ATF7IP2: variants seen among roughly 807,000 people sequenced by gnomAD.
ATF7IP2 encodes the protein activating transcription factor 7-interacting protein 2.
A neutral mutation model predicts 64.2 loss-of-function variants in ATF7IP2; 42 were observed. The observed-to-expected ratio is 0.65, with a 90% CI of 0.51 to 0.85. The LOEUF (loss-of-function observed/expected upper bound fraction) is 0.85, where lower values mean the gene tolerates loss of function less well. Ranked by LOEUF, ATF7IP2 falls within the 40% of genes least tolerant of loss-of-function variation. The pLI is 0.00. For missense variants in ATF7IP2, 933 were observed against 784.2 expected (o/e 1.19, Z -2.27); for synonymous variants, 308 against 272.8 (o/e 1.13, Z -1.27).
At chr16:10,415,376 G>A (rs550040695) in intron 2 of ATF7IP2, among the ~76,000 whole-genome samples, 6 of 152,314 alleles carry the variant, frequency 3.9e-5, no homozygotes, top group African/African-American at 1.2e-4. Flanking sequence ...AAACATTTGC[G>A]AGAAGACAGT....
In ATF7IP2 at chr16:10,401,369, C is replaced by T. The variant is rs1326617025; in HGVS notation, c.-241-13205C>T. On this transcript the variant is annotated intron_variant, in intron 1 of 13. Coordinates refer to ENST00000562102, the MANE Select transcript of ATF7IP2 (RefSeq NM_001393719.1). ...ATTTTTAGTAAAGACAGGGTTTCAC[C>T]ATGTTGGCCAGGCTGGTCTCGAACT... 2.0e-5 allele frequency among the ~76,000 whole-genome samples: 3 copies of T among 151,942 alleles called. No homozygotes were observed. In the South Asian group the frequency reaches 6.2e-4, roughly 32 times the overall value.
chr16:10,477,627 T>A (rs955567733), intron 12 of ATF7IP2, among the ~76,000 whole-genome samples: 1 of 151,998 alleles, frequency 6.6e-6, no homozygotes, highest in Non-Finnish European at 1.5e-5. Flanking sequence ...CTATTCAACA[T>A]AGTGTTGGAA....
intron 9 of ATF7IP2, among the ~76,000 whole-genome samples, chr16:10,462,654 G>A (rs548252643): frequency 6.6e-6 from 1 of 152,232 alleles, no homozygotes; most frequent in South Asian, 2.1e-4. Flanking sequence ...TAAGATGTTA[G>A]GTGGTGGGGT....
chr16:10,389,893 G>T (rs534810531), intron 1 of ATF7IP2, among the ~76,000 whole-genome samples: 14 of 152,254 alleles, frequency 9.2e-5, no homozygotes, highest in African/African-American at 3.4e-4. Context: ...CCTGAGTTTT[G>T]TTATTTTGTT....
At chr16:10,427,253 A>C (rs1290898047) in intron 3 of ATF7IP2, among the ~76,000 whole-genome samples, 1 of 152,226 alleles carries the variant, frequency 6.6e-6, no homozygotes, top group Non-Finnish European at 1.5e-5. Context: ...TTTTACAGAC[A>C]AGTAAACATA....
chr16:10,404,411 C>T (rs1246820205), intron 1 of ATF7IP2, among the ~76,000 whole-genome samples: 3 of 152,140 alleles, frequency 2.0e-5, no homozygotes, highest in East Asian at 3.8e-4. Context: ...TGCCCCCAGA[C>T]TCTGCTGATT....
intron 1 of ATF7IP2, among the ~76,000 whole-genome samples, chr16:10,404,778 A>G (rs2047602650): frequency 6.6e-6 from 1 of 152,110 alleles, no homozygotes; most frequent in Non-Finnish European, 1.5e-5. Context: ...CCTGGACTCA[A>G]GTAAACCGCC....
At chr16:10,417,433 CAT>C (rs2047901284) in intron 2 of ATF7IP2, among the ~76,000 whole-genome samples, 1 of 152,102 alleles carries the variant, frequency 6.6e-6, no homozygotes, top group South Asian at 2.1e-4. Context: ...AGCAGCTAGA[CAT>C]ATCTCACATA....
At chr16:10,474,645 T>C (rs990572097) in intron 12 of ATF7IP2, among the ~76,000 whole-genome samples, 5 of 152,278 alleles carry the variant, frequency 3.3e-5, no homozygotes, top group East Asian at 1.9e-4. Flanking sequence ...TAAGGTCTCA[T>C]TGGAATTTAA....
chr16:10,476,542 G>A (rs1177389000), intron 12 of ATF7IP2, among the ~76,000 whole-genome samples: 1 of 151,978 alleles, frequency 6.6e-6, no homozygotes, highest in Non-Finnish European at 1.5e-5. Context: ...TGCAGGATGT[G>A]CAGGTTTGTT....
chr16:10,440,350 T>C lies in ATF7IP2; in HGVS notation c.1096-14T>C, dbSNP rs748474929. 1.3e-5 allele frequency: 18 copies of C among 1,377,422 alleles called. No individual in the cohort carries two copies. The South Asian group carries it at 2.4e-4, about 18-fold the overall frequency. 85.3% of individuals were successfully genotyped at this position (1,377,422 alleles called of 1,614,324 possible). A position where few individuals can be genotyped will look rare whatever the true frequency, so the allele number is the denominator to read the frequency against. On this transcript the variant is annotated splice_polypyrimidine_tract_variant and intron_variant, in intron 7 of 13. Coordinates refer to ENST00000562102, the MANE Select transcript of ATF7IP2 (RefSeq NM_001393719.1). ...CTCTGGCTTAGTATTTATTTTTTTC[T>C]CTTTTTCTTCTAGGCAAAAATAGCA...
At chr16:10,394,804 A>G (rs903695924) in intron 1 of ATF7IP2, among the ~76,000 whole-genome samples, 1 of 152,210 alleles carries the variant, frequency 6.6e-6, no homozygotes, top group Non-Finnish European at 1.5e-5. Flanking sequence ...TTTGAGGTGA[A>G]TGAAAATGAA....
At chr16:10,417,154 CGAG>C (rs2047895208) in intron 2 of ATF7IP2, among the ~76,000 whole-genome samples, 1 of 151,846 alleles carries the variant, frequency 6.6e-6, no homozygotes, top group East Asian at 1.9e-4. Flanking sequence ...ACCACAAAGA[CGAG>C]GAAAACAAGG....
At chr16:10,479,431 C>T (rs927617312) in intron 12 of ATF7IP2, among the ~76,000 whole-genome samples, 1 of 152,014 alleles carries the variant, frequency 6.6e-6, no homozygotes, top group East Asian at 1.9e-4. Context: ...TATTCTCACT[C>T]ATAGGTGGGA....
intron 8 of ATF7IP2, among the ~76,000 whole-genome samples, chr16:10,443,890 C>T (rs544259031): frequency 1.3e-5 from 2 of 152,200 alleles, no homozygotes; most frequent in East Asian, 1.9e-4. Flanking sequence ...GTTCATTTAG[C>T]GATATAGAGA....
At chr16:10,480,591 T>G (rs1277885695) in intron 12 of ATF7IP2, among the ~76,000 whole-genome samples, 1 of 151,066 alleles carries the variant, frequency 6.6e-6, no homozygotes, top group Non-Finnish European at 1.5e-5. Context: ...AAAATTTGCC[T>G]CTAAGATCAT....
At chr16:10,464,296 G>GA (rs539511648) in intron 9 of ATF7IP2, among the ~76,000 whole-genome samples, 1 of 151,996 alleles carries the variant, frequency 6.6e-6, no homozygotes. Context: ...CCTTACAAAG[G>GA]AAAAAAGAAA....
In ATF7IP2 at chr16:10,403,348, C is replaced by T. The variant is rs371631196; in HGVS notation, c.-241-11226C>T. ...TCACCTACCTGGCACACTACTACTA[C>T]GACTGGCATTTGAGAAAACCACCAC... is the stretch of plus-strand genomic sequence containing the variant. On this transcript the variant is annotated intron_variant, in intron 1 of 13. Transcript: ENST00000562102. Among the ~76,000 whole-genome samples, 513 of 152,224 alleles carry T rather than the reference C, an allele frequency of 3.4e-3. 3 individuals carry two copies. Among genetic ancestry groups the T allele is most frequent in the African/African-American group, 0.012 (495 of 41,524 alleles).
Position 10,482,984 on chromosome 16 carries a change from G to A in ATF7IP2, c.*735G>A, listed in dbSNP as rs529610427. ...CCGCCTCGGCCTCCCGAAGTGCTGG[G>A]ATTATAGGCGTAAGCCACCATGCCT... On this transcript the variant is annotated 3_prime_UTR_variant, in exon 14 of 14. Transcript: ENST00000562102. 1 of 152,268 alleles carries A rather than the reference G, an allele frequency of 6.6e-6. No homozygotes were observed. The highest frequency in any genetic ancestry group is 1.5e-5 in the Non-Finnish European group (1 of 68,060). The allele number at this position is 152,268 out of a possible 1,614,324, so 9.4% of individuals were successfully genotyped here. A position where few individuals can be genotyped will look rare whatever the true frequency, so the allele number is the denominator to read the frequency against.
Sources: gnomAD v4.1 joint callset for allele counts (sites outside exome capture counted in the v4.1 genomes callset) on GRCh38, gnomAD v4.1.1 for gene constraint, MANE v1.5 for transcripts, NCBI Gene and HGNC (gene_info 2026-07-23, HGNC 2026-07-21) for gene names.